Variants in SLF2 observed in about 807,000 individuals in gnomAD.
SLF2 encodes the protein SMC5-SMC6 complex localization factor protein 2.
In SLF2, 68 loss-of-function variants were observed where a neutral mutation model predicts 124.3. The ratio of observed to expected loss-of-function variants is 0.55; its 90% confidence interval spans 0.45 to 0.67. The LOEUF (loss-of-function observed/expected upper bound fraction) is 0.67. SLF2 is among the 30% of genes least tolerant of loss of function. The probability of loss-of-function intolerance (pLI) is 0.00; values close to 1 mark genes in which losing one functional copy is unlikely to be tolerated. For missense variants in SLF2, 1,246 were observed against 1,373.7 expected, an observed-to-expected ratio of 0.91 and a Z score of 1.47; for synonymous variants, 480 against 478.8, an observed-to-expected ratio of 1.00 and a Z score of -0.03.
In SLF2 at chr10:100,924,385, G is replaced by A. The variant is rs531019415; in HGVS notation, c.1384G>A (p.Ala462Thr). The stretch of plus-strand genomic sequence containing the variant: ...TAGCAACCTTCAGAAAAATAAAACC[G>A]CTAGCTCCACGACAAAGGAGAAGGA... ...KASNLQKNKT[A>T]SSTTKEKETK... The change falls in exon 5 of 20, where the codon GCT becomes ACT. Residue 462 changes from alanine to threonine, a missense_variant. Ala to Thr is a moderately conservative substitution (Grantham distance 58). Coordinates refer to ENST00000238961, the MANE Select transcript of SLF2 (RefSeq NM_018121.4). 10 of 1,613,960 alleles carry A rather than the reference G, an allele frequency of 6.2e-6. No homozygotes were observed. Among genetic ancestry groups the A allele is most frequent in the South Asian group, 5.5e-5 (5 of 91,062 alleles).
At chr10:100,951,326 A>G (rs972875290) in intron 17 of SLF2, among the ~76,000 whole-genome samples, 1 of 152,246 alleles carries the variant, frequency 6.6e-6, no homozygotes, top group African/African-American at 2.4e-5. Context: ...TGGCAGCAGT[A>G]TAATATATTC....
Position 100,950,125 on chromosome 10 carries a change from T to TA in SLF2, c.3173dup (p.Lys1059GlufsTer9), listed in dbSNP as rs1564783604. 1 of 1,613,852 alleles carries TA rather than the reference T, an allele frequency of 6.2e-7. No homozygotes were observed. Among genetic ancestry groups the TA allele is most frequent in the South Asian group, 1.1e-5 (1 of 91,042 alleles). On this transcript the variant is annotated frameshift_variant, in exon 16 of 20. Transcript: ENST00000238961. LOFTEE classifies it high-confidence loss of function. ...GTGCAGATGAAGCCTTCTGATTTGT[T>TA]AAAGAAAATGGTCTTGAAGAAAAAG...
chr10:100,917,505 A>G (rs1849440633), intron 3 of SLF2, among the ~76,000 whole-genome samples: 2 of 152,214 alleles, frequency 1.3e-5, no homozygotes, highest in South Asian at 4.1e-4. Context: ...TCTTATCCTT[A>G]GTTTTTTCAG....
intron 1 of SLF2, chr10:100,913,653 T>G: frequency 9.7e-7 from 1 of 1,029,914 alleles, no homozygotes; most frequent in Non-Finnish European, 1.2e-6. Context: ...GGTGAAATTA[T>G]GTAACCTGTG....
intron 11 of SLF2, among the ~76,000 whole-genome samples, chr10:100,940,725 T>C (rs1849954807): frequency 1.3e-5 from 1 of 78,336 alleles, no homozygotes. Context: ...CTTCCCCTCC[T>C]TCCCTCCCTT....
chr10:100,944,288 G>A (rs12355569), intron 12 of SLF2, among the ~76,000 whole-genome samples, 160 bp downstream of exon 12: 115,595 of 151,832 alleles, frequency 0.76, 44,310 homozygotes, highest in South Asian at 0.81. Context: ...AAGGTCAGGA[G>A]ATCGAGACCA....
At chr10:100,932,859 A>T (rs1849771691) in intron 9 of SLF2, among the ~76,000 whole-genome samples, 2 of 135,904 alleles carry the variant, frequency 1.5e-5, no homozygotes, top group Admixed American at 1.5e-4. Flanking sequence ...AAGTAGTTGA[A>T]GGTCTTGCGG....
chr10:100,942,611 C>T (rs1850002573), intron 11 of SLF2, among the ~76,000 whole-genome samples: 1 of 152,142 alleles, frequency 6.6e-6, no homozygotes, highest in Admixed American at 6.6e-5. Flanking sequence ...CTCCACCTCC[C>T]AGGTTCAAGT....
Position 100,917,077 on chromosome 10 carries a change from C to A in SLF2, c.692C>A (p.Pro231Gln). 2 of 1,614,160 alleles carry A rather than the reference C, an allele frequency of 1.2e-6. No homozygotes were observed. The highest frequency in any genetic ancestry group is 3.3e-5 in the Admixed American group (2 of 60,018). ...SLSRHHPEES[P>Q]LGAKFQLSLA... ...TCCAGGCACCACCCGGAAGAAAGCC[C>A]ACTGGGAGCTAAATTCCAGTTGTCA... The change falls in exon 3 of 20, where the codon CCA becomes CAA. Residue 231 changes from proline (P) to glutamine (Q), a missense_variant. This residue lies in a region of SLF2 where 698 missense variants were observed against 708.9 expected (regional missense o/e 0.98). Transcript: ENST00000238961.
intron 18 of SLF2, among the ~76,000 whole-genome samples, chr10:100,956,968 T>G (rs902223966): frequency 7.9e-5 from 12 of 152,168 alleles, no homozygotes; most frequent in African/African-American, 2.7e-4. Flanking sequence ...GGACTTTCTC[T>G]TTTAATAACA....
At chr10:100,949,658 C>A (rs1236075520) in intron 15 of SLF2, among the ~76,000 whole-genome samples, 1 of 151,556 alleles carries the variant, frequency 6.6e-6, no homozygotes, top group African/African-American at 2.4e-5. Flanking sequence ...TGCAGTGGCA[C>A]AATCTCGGCT....
chr10:100,939,378 TAAA>T (rs1017422594), intron 11 of SLF2, among the ~76,000 whole-genome samples: 8 of 130,592 alleles, frequency 6.1e-5, no homozygotes, highest in Non-Finnish European at 1.2e-4. Flanking sequence ...ACCTTGTCTT[TAAA>T]AAAAAAAAGG....
intron 11 of SLF2, among the ~76,000 whole-genome samples, chr10:100,943,268 TTTC>T (rs1321276313): frequency 1.3e-5 from 2 of 152,220 alleles, no homozygotes; most frequent in Admixed American, 1.3e-4. Context: ...ATCAAATGTA[TTTC>T]TTCTTATACC....
At chr10:100,919,305 C>T (rs1039654854) in intron 4 of SLF2, among the ~76,000 whole-genome samples, 3 of 152,026 alleles carry the variant, frequency 2.0e-5, no homozygotes, top group East Asian at 1.9e-4. Context: ...GCCACTGCAC[C>T]GGGCCCCCAG....
intron 19 of SLF2, 94 bp downstream of exon 19, chr10:100,959,590 A>C: frequency 6.8e-7 from 1 of 1,474,838 alleles, no homozygotes. Flanking sequence ...ATAACAGTGC[A>C]CTTGCTTCTA....
Position 100,913,143 on chromosome 10 carries a change from T to A in SLF2, c.33T>A (p.Gly11=). The part of the protein sequence containing the change: MTRRCMPARP[G]FPSSPAPGSS... The stretch of plus-strand genomic sequence containing the variant: ...GGCGCTGCATGCCCGCTAGGCCAGG[T>A]TTCCCCTCATCCCCAGCCCCGGGGT... Residue 11 remains glycine, a synonymous_variant, in exon 1 of 20, where the codon GGT becomes GGA. Coordinates refer to ENST00000238961, the MANE Select transcript of SLF2 (RefSeq NM_018121.4). 1 of 1,611,636 alleles carries A rather than the reference T, an allele frequency of 6.2e-7. No individual in the cohort carries two copies. Among genetic ancestry groups the A allele is most frequent in the Non-Finnish European group, 8.5e-7 (1 of 1,179,114 alleles).
rs776260102 is a variant in SLF2 at position 100,924,175 on chromosome 10, A to G, written c.1174A>G (p.Ile392Val). 2.5e-6 allele frequency: 4 copies of G among 1,614,098 alleles called. No individual in the cohort carries two copies. Among genetic ancestry groups the G allele is most frequent in the Non-Finnish European group, 2.5e-6 (3 of 1,180,010 alleles). Residue 392 changes from isoleucine to valine, a missense_variant, in exon 5 of 20, where the codon ATA becomes GTA. This residue lies in a region of SLF2 where 698 missense variants were observed against 708.9 expected (regional missense o/e 0.98). Coordinates refer to ENST00000238961, the MANE Select transcript of SLF2 (RefSeq NM_018121.4). ...TPGDVLRLED[I>V]SKEPSDETDG... Reference sequence around the variant, plus strand: ...TGGTGATGTGTTGCGCTTAGAAGATATATCCAAGGAACCGAGTGATGAAAC... The same window carrying G: ...TGGTGATGTGTTGCGCTTAGAAGATGTATCCAAGGAACCGAGTGATGAAAC...
rs752440222 is a variant in SLF2, at chr10:100,924,789, A to G, written c.1788A>G (p.Lys596=). ...CAGGTAGCAGTGCACTGAAAAGAAA[A>G]CTAAGGGGTGATTTTGATAGTGATG... ...SNAGSSALKR[K]LRGDFDSDEE... Residue 596 remains lysine (K), a synonymous_variant, in exon 5 of 20, where the codon AAA becomes AAG. Transcript: ENST00000238961. 2.5e-6 allele frequency: 4 copies of G among 1,614,080 alleles called. No individual in the cohort carries two copies. Among genetic ancestry groups the G allele is most frequent in the Non-Finnish European group, 3.4e-6 (4 of 1,180,048 alleles).
intron 8 of SLF2, 150 bp from the exon 9 acceptor site, chr10:100,930,826 A>C (rs564774092): frequency 3.4e-6 from 2 of 595,674 alleles, no homozygotes; most frequent in Non-Finnish European, 6.0e-6. Context: ...TTTATGAGTA[A>C]CTCATCCATA....
Sources: gnomAD v4.1 joint callset for allele counts (sites outside exome capture counted in the v4.1 genomes callset) on GRCh38, gnomAD v4.1.1 for gene constraint, gnomAD v4.1.1 regional missense constraint, MANE v1.5 for transcripts, NCBI Gene and HGNC (gene_info 2026-07-23, HGNC 2026-07-21) for gene names.